The following PCSK6 variants were observed in gnomAD, a reference collection of about 807,000 sequenced individuals.
PCSK6 encodes the protein paired basic amino acid cleaving enzyme 4.
Under a neutral mutation model 123.3 loss-of-function variants are expected in PCSK6, and 85 were observed. The observed-to-expected ratio is 0.69, with a 90% CI of 0.58 to 0.83. The LOEUF (loss-of-function observed/expected upper bound fraction) is 0.83. Ranked by LOEUF, PCSK6 falls within the 40% of genes least tolerant of loss-of-function variation. The pLI is 0.00. For missense variants in PCSK6, 1,191 were observed against 1,282.3 expected, an observed-to-expected ratio of 0.93 and a Z score of 1.09; for synonymous variants, 508 against 516.0, an observed-to-expected ratio of 0.98 and a Z score of 0.21.
rs149068524 is a variant in PCSK6 at position 101,344,694 on chromosome 15, C to T, written c.1859-12663G>A. On this transcript the variant is annotated intron_variant, in intron 13 of 21. Transcript: ENST00000611716. ...TTTGAGATGGAGTCTCACTGTCGCC[C>T]AGGCTGGAGGGCACTGGCATGAACT... Among the ~76,000 whole-genome samples the T allele has an allele frequency of 5.1e-4, 78 of 152,228 alleles. 1 individual carries two copies. The South Asian group carries it at 9.1e-3, about 18-fold the overall frequency.
chr15:101,415,332 G>A (rs539289947), intron 6 of PCSK6, among the ~76,000 whole-genome samples: 18 of 152,246 alleles, frequency 1.2e-4, no homozygotes, highest in East Asian at 3.8e-4. Flanking sequence ...ACCCGGGGAC[G>A]GGTAGACTGC....
chr15:101,311,636 TCCCTCACAGCTCACCCCATCGTCAC>T (rs1567135800), intron 20 of PCSK6, among the ~76,000 whole-genome samples: 1 of 146,876 alleles, frequency 6.8e-6, no homozygotes, highest in Non-Finnish European at 1.5e-5. Flanking sequence ...GCCTGGTACT[TCCCTCACAGCTCACCCCATCGTCAC>T]CCCTCACAGC....
chr15:101,478,568 T>C (rs1004029238), intron 1 of PCSK6, among the ~76,000 whole-genome samples: 2 of 152,300 alleles, frequency 1.3e-5, no homozygotes, highest in Non-Finnish European at 2.9e-5. Context: ...TCCTTTCCTC[T>C]TGTTCTTCTG....
At chr15:101,382,359 C>T (rs1016962187) in intron 10 of PCSK6, 150 bp from the exon 11 acceptor site, 18 of 615,198 alleles carry the variant, frequency 2.9e-5, no homozygotes, top group African/African-American at 2.4e-4. Flanking sequence ...GACGGGTCCC[C>T]CTGAGGGCTG....
intron 2 of PCSK6, among the ~76,000 whole-genome samples, chr15:101,435,592 C>T (rs1177591599): frequency 1.3e-5 from 2 of 152,246 alleles, no homozygotes; most frequent in Non-Finnish European, 2.9e-5. Context: ...TCCTGCTAAA[C>T]ATGCAGCACA....
intron 1 of PCSK6, among the ~76,000 whole-genome samples, chr15:101,488,889 G>A (rs1019928330): frequency 1.3e-5 from 2 of 150,824 alleles, no homozygotes; most frequent in Non-Finnish European, 3.0e-5. Flanking sequence ...GGCCGCGGCC[G>A]CCTTGGCGCG....
chr15:101,357,309 T>A (rs1487269367), intron 13 of PCSK6, among the ~76,000 whole-genome samples: 1 of 152,150 alleles, frequency 6.6e-6, no homozygotes, highest in East Asian at 1.9e-4. Flanking sequence ...GAGTGGAAGA[T>A]CCTGCCCATT....
intron 7 of PCSK6, among the ~76,000 whole-genome samples, chr15:101,394,464 G>A (rs1465737838): frequency 1.3e-5 from 2 of 152,180 alleles, no homozygotes; most frequent in East Asian, 1.9e-4. Context: ...CTGAACTGAC[G>A]GATATAGTCC....
intron 1 of PCSK6, among the ~76,000 whole-genome samples, chr15:101,475,462 A>T (rs2057708176): frequency 2.0e-5 from 3 of 152,170 alleles, no homozygotes; most frequent in Admixed American, 2.0e-4. Flanking sequence ...TAAAATGCCT[A>T]ATAAATAAAG....
chr15:101,382,395 T>C (rs972700903), intron 10 of PCSK6, among the ~76,000 whole-genome samples, 186 bp from the exon 11 acceptor site: 1 of 152,148 alleles, frequency 6.6e-6, no homozygotes, highest in Non-Finnish European at 1.5e-5. Flanking sequence ...TGCCTCACTC[T>C]CTCTGAACCC....
At chr15:101,458,105 C>T (rs1196402622) in intron 1 of PCSK6, among the ~76,000 whole-genome samples, 1 of 152,222 alleles carries the variant, frequency 6.6e-6, no homozygotes, top group East Asian at 1.9e-4. Context: ...GTCCTGCTCT[C>T]TCAGAGGTCT....
chr15:101,481,349 C>T (rs550938805), intron 1 of PCSK6, among the ~76,000 whole-genome samples: 1 of 149,014 alleles, frequency 6.7e-6, no homozygotes. Flanking sequence ...GAGGGGCGAA[C>T]CTGGTGACGG....
chr15:101,336,331 C>G (rs193048743), intron 13 of PCSK6, among the ~76,000 whole-genome samples: 1 of 152,212 alleles, frequency 6.6e-6, no homozygotes, highest in African/African-American at 2.4e-5. Flanking sequence ...GAGACTGGCA[C>G]GCAGGAGCTG....
In PCSK6 at chr15:101,428,594, C is replaced by T. The variant is rs111617807; in HGVS notation, c.735-614G>A. ...GAAGAAATGACCAGAAAAACAAATG[C>T]GTTTTCCTCAGTAATGACCCCATTC... On this transcript the variant is annotated intron_variant, in intron 5 of 21. Coordinates refer to ENST00000611716, the MANE Select transcript of PCSK6 (RefSeq NM_002570.5). Among the ~76,000 whole-genome samples the T allele has an allele frequency of 7.2e-5, 11 of 152,332 alleles. No individual in the cohort carries two copies. The South Asian group carries it at 8.3e-4, about 11-fold the overall frequency.
intron 15 of PCSK6, among the ~76,000 whole-genome samples, chr15:101,330,560 C>T (rs2040353085): frequency 6.6e-6 from 1 of 152,240 alleles, no homozygotes. Context: ...CTCCTGCTGT[C>T]TCTGGTCTGC....
chr15:101,473,735 G>A (rs2057659926), intron 1 of PCSK6, among the ~76,000 whole-genome samples: 1 of 152,176 alleles, frequency 6.6e-6, no homozygotes, highest in Non-Finnish European at 1.5e-5. Context: ...AAAATTAGCT[G>A]GAGGTGGTGG....
At chr15:101,428,578 A>G (rs1277946773) in intron 5 of PCSK6, among the ~76,000 whole-genome samples, 9 of 152,216 alleles carry the variant, frequency 5.9e-5, no homozygotes, top group Admixed American at 3.3e-4. Flanking sequence ...TGAAGAAATG[A>G]CCAGAAAAAC....
Position 101,430,000 on chromosome 15 carries a change from T to C in PCSK6, c.721A>G (p.Ser241Gly). Residue 241 changes from serine (S) to glycine (G), a missense_variant, in exon 5 of 22, where the codon AGC becomes GGC. By Grantham distance (56) the Ser-to-Gly change is moderately conservative. This residue lies in a region of PCSK6 where 357 missense variants were observed against 484.5 expected (regional missense o/e 0.74). Transcript: ENST00000611716. ...DYDPSPRYDA[S>G]NENKHGTRCA... is the part of the protein sequence containing the mutation. Reference sequence around the variant, plus strand: ...GAGGTGACGTACTTATTTTCATTGCTGGCATCATATCGTGGAGATGGGTCA... The same window carrying C: ...GAGGTGACGTACTTATTTTCATTGCCGGCATCATATCGTGGAGATGGGTCA... The C allele has an allele frequency of 6.2e-7, 1 of 1,613,604 alleles. No homozygotes were observed.
chr15:101,321,498 C>G (rs1241114818), intron 18 of PCSK6, among the ~76,000 whole-genome samples: 1 of 152,260 alleles, frequency 6.6e-6, no homozygotes, highest in Non-Finnish European at 1.5e-5. Flanking sequence ...GTCTACTTCA[C>G]AGGTTGCTGC....
Sources: allele counts gnomAD v4.1 joint callset (sites outside exome capture counted in the v4.1 genomes callset), GRCh38; gene constraint gnomAD v4.1.1; regional missense constraint gnomAD v4.1.1; transcripts MANE v1.5; gene names NCBI Gene and HGNC (gene_info 2026-07-23, HGNC 2026-07-21).